The following DYNC1LI1 variants were observed in gnomAD, a reference collection of about 807,000 sequenced individuals.
DYNC1LI1 encodes dynein cytoplasmic 1 light intermediate chain 1, also known as cytoplasmic dynein 1 light intermediate chain 1.
DYNC1LI1 carries 19 observed loss-of-function variants against 63.8 expected under a neutral mutation model. That is an observed-to-expected ratio of 0.30 (90% CI 0.21 to 0.44). The LOEUF (loss-of-function observed/expected upper bound fraction) is 0.44. DYNC1LI1 is among the 20% of genes least tolerant of loss of function. The pLI, the probability that DYNC1LI1 is intolerant of heterozygous loss-of-function variation, is 1.00. For missense variants in DYNC1LI1, 565 were observed against 630.2 expected (o/e 0.90, Z 1.11); for synonymous variants, 225 against 232.3 (o/e 0.97, Z 0.28).
chr3:32,559,284 A>C (rs574406099), intron 2 of DYNC1LI1, among the ~76,000 whole-genome samples: 58 of 152,266 alleles, frequency 3.8e-4, no homozygotes, highest in African/African-American at 1.2e-3. Flanking sequence ...TCTGTTGCCC[A>C]GGCTGGAGTG....
chr3:32,530,309 G>C lies in DYNC1LI1; in HGVS notation c.1160C>G (p.Pro387Arg). The C allele has an allele frequency of 6.2e-7, 1 of 1,609,040 alleles. No individual in the cohort carries two copies. Residue 387 changes from proline to arginine, a missense_variant, in exon 10 of 13, where the codon CCA (proline) becomes CGA (arginine). By Grantham distance (103) the Pro-to-Arg change is moderately radical (BLOSUM62 -2). Coordinates refer to ENST00000273130, the MANE Select transcript of DYNC1LI1 (RefSeq NM_016141.4). Reference protein sequence around the residue: ...MKLQSLLAKQPPTAAGRPVDA... With the variant: ...MKLQSLLAKQRPTAAGRPVDA... ...CACAGGCCTTCCAGCTGCAGTTGGT[G>C]GTTGCTTTGCTAAAAGGGACTGAAA...
chr3:32,530,759 CA>C (rs1252583369), intron 8 of DYNC1LI1: 2 of 445,232 alleles, frequency 4.5e-6, no homozygotes, highest in African/African-American at 3.9e-5. Flanking sequence ...AGTCACTAGC[CA>C]CCAGTGGCTA....
At chr3:32,555,679 C>T (rs1440039258) in intron 2 of DYNC1LI1, among the ~76,000 whole-genome samples, 1 of 152,180 alleles carries the variant, frequency 6.6e-6, no homozygotes, top group Non-Finnish European at 1.5e-5. Context: ...AGTGATCTTC[C>T]TGAACCGATC....
At chr3:32,562,870 C>T (rs11926020) in intron 2 of DYNC1LI1, among the ~76,000 whole-genome samples, 297 of 152,264 alleles carry the variant, frequency 2.0e-3, no homozygotes, top group African/African-American at 6.6e-3. Flanking sequence ...TTGTGGCTTT[C>T]GTCAGGACTC....
In DYNC1LI1 at chr3:32,542,408, A is replaced by ATT. The variant is rs35822448; in HGVS notation, c.569-1204_569-1203dup. 8.9e-3 allele frequency among the ~76,000 whole-genome samples: 1,196 copies of ATT among 133,686 alleles called. 13 individuals are homozygous for ATT. The highest frequency in any genetic ancestry group is 0.016 in the Middle Eastern group (4 of 256). The allele number at this position is 133,686 out of a possible 152,430, so 87.7% of individuals were successfully genotyped here. A position where few individuals can be genotyped will look rare whatever the true frequency, so the allele number is the denominator to read the frequency against. On this transcript the variant is annotated intron_variant, in intron 4 of 12. Coordinates refer to ENST00000273130, the MANE Select transcript of DYNC1LI1 (RefSeq NM_016141.4). ...GAGCCACTGTGACCGGCTATTTTCA[A>ATT]TTTTTTTTTTTTTTTTTTTGAGATG...
At chr3:32,554,930 C>T (rs547164970) in intron 2 of DYNC1LI1, among the ~76,000 whole-genome samples, 3 of 131,062 alleles carry the variant, frequency 2.3e-5, no homozygotes, top group African/African-American at 5.8e-5. Context: ...AGTGCAATAG[C>T]GCAATCTTGG....
intron 8 of DYNC1LI1, chr3:32,532,752 T>C: frequency 3.5e-6 from 2 of 564,050 alleles, no homozygotes; most frequent in East Asian, 4.9e-5. Flanking sequence ...GCACTAACAA[T>C]TGCTAATATA....
At chr3:32,532,768 GC>G in intron 8 of DYNC1LI1, 1 of 719,460 alleles carries the variant, frequency 1.4e-6, no homozygotes, top group Non-Finnish European at 1.9e-6. Flanking sequence ...ATATAAATAT[GC>G]CAAGGGCGAA....
chr3:32,556,903 G>A (rs1181569727), intron 2 of DYNC1LI1, among the ~76,000 whole-genome samples: 1 of 152,108 alleles, frequency 6.6e-6, no homozygotes, highest in Non-Finnish European at 1.5e-5. Flanking sequence ...GTAACTGCTT[G>A]TCCTGGCCAT....
At chr3:32,551,224 G>C (rs943682971) in intron 2 of DYNC1LI1, among the ~76,000 whole-genome samples, 3 of 152,158 alleles carry the variant, frequency 2.0e-5, no homozygotes, top group African/African-American at 4.8e-5. Context: ...GGTTTTACTT[G>C]GAAGTCAGAA....
chr3:32,556,083 G>A (rs780437917), intron 2 of DYNC1LI1, among the ~76,000 whole-genome samples: 6 of 152,036 alleles, frequency 3.9e-5, no homozygotes, highest in Non-Finnish European at 7.4e-5. Context: ...AACATACTAG[G>A]CTCTAGACAC....
intron 5 of DYNC1LI1, among the ~76,000 whole-genome samples, chr3:32,538,005 T>A (rs1697814543): frequency 2.4e-5 from 1 of 41,932 alleles, no homozygotes; most frequent in Non-Finnish European, 3.8e-5. Context: ...AATTTATATA[T>A]ATAATATATA....
chr3:32,546,110 T>C (rs900239171), intron 2 of DYNC1LI1, 145 bp from the exon 3 acceptor site: 10 of 603,070 alleles, frequency 1.7e-5, no homozygotes, highest in African/African-American at 1.5e-4. Context: ...AGCTACAGTA[T>C]TAAACATGCA....
Position 32,568,613 on chromosome 3 carries a change from TA to T in DYNC1LI1, c.220+1732del, listed in dbSNP as rs955028612. Among the ~76,000 whole-genome samples the T allele has an allele frequency of 4.5e-4, 67 of 148,974 alleles. 1 individual carries two copies. The highest frequency in any genetic ancestry group is 1.1e-3 in the African/African-American group (46 of 40,780). On this transcript the variant is annotated intron_variant, in intron 2 of 12. Transcript: ENST00000273130. The stretch of plus-strand genomic sequence containing the variant: ...CACAGACCCAGTGTCAAAGGGGTGT[TA>T]AAAAAAAAATGGCACAACCTCAGTG...
rs549343052 is a variant in DYNC1LI1 at position 32,543,548 on chromosome 3, G to A, written c.568+1328C>T. Among the ~76,000 whole-genome samples, 659 of 150,604 alleles carry A rather than the reference G, an allele frequency of 4.4e-3. 10 individuals are homozygous for A. Among genetic ancestry groups the A allele is most frequent in the Non-Finnish European group, 3.9e-3 (262 of 67,654 alleles). ...CAAGTAGGTGGGATTACAGGCACCC[G>A]CCACCATGCTGGGCTAATTTTTTTT... is the stretch of plus-strand genomic sequence containing the variant. On this transcript the variant is annotated intron_variant, in intron 4 of 12. Coordinates refer to ENST00000273130, the MANE Select transcript of DYNC1LI1 (RefSeq NM_016141.4).
Position 32,529,598 on chromosome 3 carries a change from A to T in DYNC1LI1, c.1248T>A (p.Asn416Lys). 6 of 1,610,724 alleles carry T rather than the reference A, an allele frequency of 3.7e-6. No homozygotes were observed. The highest frequency in any genetic ancestry group is 5.1e-6 in the Non-Finnish European group (6 of 1,178,788). Residue 416 changes from asparagine to lysine, a missense_variant, in exon 11 of 13, where the codon AAT becomes AAA. Physicochemically the swap from Asn to Lys is moderately conservative, Grantham distance 94. Coordinates refer to ENST00000273130, the MANE Select transcript of DYNC1LI1 (RefSeq NM_016141.4). ...PRTPNRSVSSNVASVSPIPAG... is the reference protein window; with the variant it reads ...PRTPNRSVSSKVASVSPIPAG... ...CAGGAATGGGTGACACGCTGGCAACATTAGATGATACAGATCTATTTGGTG... is the reference window on the plus strand; with the variant it reads ...CAGGAATGGGTGACACGCTGGCAACTTTAGATGATACAGATCTATTTGGTG...
At position 32,526,819 on chromosome 3, in the gene DYNC1LI1, T is replaced by C. The variant is rs1697624961; in HGVS notation, c.1552A>G (p.Thr518Ala). 6.2e-7 allele frequency: 1 copy of C among 1,610,536 alleles called. No homozygotes were observed. Residue 518 changes from threonine to alanine, a missense_variant, in exon 13 of 13, where the codon ACG becomes GCG. Transcript: ENST00000273130. ...TVSPTTPTSP[T>A]EGEAS The stretch of plus-strand genomic sequence containing the variant: ...TATCTTCAAGAAGCTTCTCCTTCCG[T>C]AGGAGATGTAGGTGTTGTGGGAGAA...
chr3:32,548,309 C>G (rs1697986076), intron 2 of DYNC1LI1, among the ~76,000 whole-genome samples: 1 of 152,132 alleles, frequency 6.6e-6, no homozygotes. Flanking sequence ...CTGCGCACGC[C>G]TGGGGATCAA....
At chr3:32,548,163 G>C (rs954070299) in intron 2 of DYNC1LI1, among the ~76,000 whole-genome samples, 1 of 152,026 alleles carries the variant, frequency 6.6e-6, no homozygotes, top group Non-Finnish European at 1.5e-5. Context: ...CTGTGGACCG[G>C]TACCAGTCTA....
Sources: gnomAD v4.1 joint callset for allele counts (sites outside exome capture counted in the v4.1 genomes callset) on GRCh38, gnomAD v4.1.1 for gene constraint, MANE v1.5 for transcripts, NCBI Gene and HGNC (gene_info 2026-07-23, HGNC 2026-07-21) for gene names.